COL27A1: variants seen among roughly 807,000 people sequenced by gnomAD.
COL27A1 encodes the protein collagen alpha-1(XXVII) chain.
A neutral mutation model predicts 251.3 loss-of-function variants in COL27A1; 106 were observed. That is an observed-to-expected ratio of 0.42 (90% CI 0.36 to 0.50). The LOEUF (loss-of-function observed/expected upper bound fraction) is 0.50, where lower values mean the gene tolerates loss of function less well. Ranked by LOEUF, COL27A1 falls within the 20% of genes least tolerant of loss-of-function variation. The pLI, the probability that COL27A1 is intolerant of heterozygous loss-of-function variation, is 0.00. For missense variants in COL27A1, 2,325 were observed against 2,522.8 expected, an observed-to-expected ratio of 0.92 and a Z score of 1.68; for synonymous variants, 1,000 against 986.3, an observed-to-expected ratio of 1.01 and a Z score of -0.26.
At chr9:114,190,509 C>A (rs905209440) in intron 5 of COL27A1, among the ~76,000 whole-genome samples, 1 of 152,098 alleles carries the variant, frequency 6.6e-6, no homozygotes, top group African/African-American at 2.4e-5. Flanking sequence ...CTCAAGTGAT[C>A]CTCCTTCCTT....
chr9:114,196,859 A>G (rs565437508), intron 7 of COL27A1, among the ~76,000 whole-genome samples: 30 of 151,298 alleles, frequency 2.0e-4, no homozygotes, highest in African/African-American at 7.0e-4. Context: ...TTCCTTCAAG[A>G]CTCTACTCTA....
At chr9:114,175,186 G>A (rs59005455) in intron 3 of COL27A1, among the ~76,000 whole-genome samples, 2,551 of 152,264 alleles carry the variant, frequency 0.017, 83 homozygotes, top group African/African-American at 0.058. Flanking sequence ...CTCTGTTTGC[G>A]TACGCCTGGA....
chr9:114,269,243 T>C lies in COL27A1; in HGVS notation c.3504T>C (p.Gly1168=). The change falls in exon 35 of 61, where the codon GGT becomes GGC. Residue 1168 remains glycine (G), a splice_region_variant and synonymous_variant. Coordinates refer to ENST00000356083, the MANE Select transcript of COL27A1 (RefSeq NM_032888.4). The part of the protein sequence containing the change: ...PGLPGEAGMK[G]DLGPLGTPGE... ...GACTTTTGTTCGGCTTCTCCTAGGG[T>C]GACCTTGGACCCCTGGGCACTCCTG... 6.2e-7 allele frequency: 1 copy of C among 1,600,752 alleles called. No homozygotes were observed. Among genetic ancestry groups the C allele is most frequent in the Non-Finnish European group, 8.5e-7 (1 of 1,172,900 alleles).
At chr9:114,228,876 CA>C (rs1564495399) in intron 14 of COL27A1, among the ~76,000 whole-genome samples, 1 of 151,922 alleles carries the variant, frequency 6.6e-6, no homozygotes, top group Non-Finnish European at 1.5e-5. Flanking sequence ...GGCTGGAGTT[CA>C]ATGACGCTAT....
At position 114,240,459 on chromosome 9, in the gene COL27A1, C is replaced by T. The variant is rs764037280; in HGVS notation, c.2807C>T (p.Pro936Leu). 1.3e-5 allele frequency: 21 copies of T among 1,612,580 alleles called. No individual in the cohort carries two copies. The African/African-American group carries it at 1.3e-4, about 10-fold the overall frequency. Reference protein sequence around the residue: ...MKGKPGARGLPGPRGQLGPEG... With the variant: ...MKGKPGARGLLGPRGQLGPEG... ...GGTAAGCCTGGAGCCCGAGGCCTGC[C>T]GGGACCCCGTGGGCAGCTGGGGCCC... The change falls in exon 21 of 61, where the codon CCG becomes CTG. Residue 936 changes from proline to leucine, a missense_variant. Physicochemically the swap from Pro to Leu is moderately conservative, Grantham distance 98. Transcript: ENST00000356083.
chr9:114,156,973 C>A (rs2567723), intron 1 of COL27A1, among the ~76,000 whole-genome samples: 1 of 152,056 alleles, frequency 6.6e-6, no homozygotes, highest in Non-Finnish European at 1.5e-5. Flanking sequence ...GGCCCTGCCC[C>A]CTTTGAGCTG....
At chr9:114,268,541 T>C (rs954986884) in intron 34 of COL27A1, among the ~76,000 whole-genome samples, 23 of 152,238 alleles carry the variant, frequency 1.5e-4, no homozygotes, top group Non-Finnish European at 2.9e-4. Flanking sequence ...AGTCACATAA[T>C]TGCCATTGCT....
At position 114,307,680 on chromosome 9, in the gene COL27A1, G is replaced by C. The variant is rs757616242; in HGVS notation, c.5119G>C (p.Val1707Leu). The part of the protein sequence containing the change: ...EQKMVDGTYW[V>L]DPNLGCSSDT... ...CACGCTGCCTGCAGGTACCTACTGGGTGGATCCAAACCTTGGCTGCTCCTC... is the reference window on the plus strand; with the variant it reads ...CACGCTGCCTGCAGGTACCTACTGGCTGGATCCAAACCTTGGCTGCTCCTC... Residue 1707 changes from valine (V) to leucine (L), a missense_variant, in exon 59 of 61, where the codon GTG becomes CTG. This residue lies in a region of COL27A1 where 327 missense variants were observed against 442.8 expected (regional missense o/e 0.74). Coordinates refer to ENST00000356083, the MANE Select transcript of COL27A1 (RefSeq NM_032888.4). 6.2e-7 allele frequency: 1 copy of C among 1,613,706 alleles called. No individual in the cohort carries two copies. The highest frequency in any genetic ancestry group is 1.1e-5 in the South Asian group (1 of 91,070).
Position 114,209,603 on chromosome 9 carries a change from TG to T in COL27A1, c.2269-69del, listed in dbSNP as rs1830208011. ...CGGGATGTGGGATGGCAGTGGTGGG[TG>T]GGCTGCGGCAGGTTGGGCCAGCCAC... is the stretch of plus-strand genomic sequence containing the variant. On this transcript the variant is annotated intron_variant, in intron 10 of 60. Transcript: ENST00000356083. The T allele has an allele frequency of 3.6e-6, 5 of 1,382,466 alleles. No individual in the cohort carries two copies. The South Asian group carries it at 4.6e-5, about 13-fold the overall frequency. 85.6% of individuals were successfully genotyped at this position (1,382,466 alleles called of 1,614,324 possible). A position where few individuals can be genotyped will look rare whatever the true frequency, so the allele number is the denominator to read the frequency against.
Position 114,169,385 on chromosome 9 carries a change from G to A in COL27A1, c.1830G>A (p.Ser610=), listed in dbSNP as rs200537997. 1.7e-5 allele frequency: 28 copies of A among 1,610,460 alleles called. No homozygotes were observed. The highest frequency in any genetic ancestry group is 1.1e-4 in the East Asian group (5 of 44,854). Residue 610 remains serine (S), a synonymous_variant, in exon 3 of 61, where the codon TCG becomes TCA. Coordinates refer to ENST00000356083, the MANE Select transcript of COL27A1 (RefSeq NM_032888.4). ...SSPRPTSSGY[S]IFHLAGSTPF... is the part of the protein sequence containing the mutation. The stretch of plus-strand genomic sequence containing the variant: ...CCCGGCCCACGAGCAGTGGCTATTC[G>A]ATCTTCCACCTGGCAGGATCTACGC...
intron 13 of COL27A1, among the ~76,000 whole-genome samples, chr9:114,221,486 T>G (rs1177949723): frequency 6.6e-6 from 1 of 152,230 alleles, no homozygotes; most frequent in Non-Finnish European, 1.5e-5. Flanking sequence ...GGCTGTTGCT[T>G]ACTTCTCATT....
chr9:114,158,183 T>C (rs995427431), intron 1 of COL27A1, among the ~76,000 whole-genome samples: 1 of 152,154 alleles, frequency 6.6e-6, no homozygotes, highest in Non-Finnish European at 1.5e-5. Flanking sequence ...CCTTTTCAGC[T>C]TTTACCCCAT....
intron 7 of COL27A1, 141 bp downstream of exon 7, chr9:114,196,153 T>A: frequency 1.3e-6 from 1 of 750,932 alleles, no homozygotes; most frequent in Non-Finnish European, 2.3e-6. Context: ...GGGTGAGAGG[T>A]GAGAGAGCTT....
chr9:114,286,510 C>T (rs1156280992), intron 41 of COL27A1, among the ~76,000 whole-genome samples: 1 of 152,142 alleles, frequency 6.6e-6, no homozygotes, highest in Non-Finnish European at 1.5e-5. Context: ...ACCGCCCATC[C>T]CTGCTCACCG....
intron 7 of COL27A1, among the ~76,000 whole-genome samples, chr9:114,198,203 C>T (rs1249754360): frequency 2.0e-5 from 3 of 152,186 alleles, no homozygotes; most frequent in African/African-American, 7.2e-5. Flanking sequence ...ATTTATTTAA[C>T]AAGAATTATT....
In COL27A1 at chr9:114,309,375, G is replaced by A; in HGVS notation, c.5333G>A (p.Gly1778Glu). Residue 1778 changes from glycine to glutamate, a missense_variant, in exon 60 of 61, where the codon GGG becomes GAG. By Grantham distance (98) the Gly-to-Glu change is moderately conservative. Transcript: ENST00000356083. ...ATGACCGTGTGGCAGGAGGGCACTGGGCAGACCCCAGCCAAGCAGGCCGTA... is the reference window on the plus strand; with the variant it reads ...ATGACCGTGTGGCAGGAGGGCACTGAGCAGACCCCAGCCAAGCAGGCCGTA... ...LNMTVWQEGT[G>E]QTPAKQAVRF... 1 of 1,614,074 alleles carries A rather than the reference G, an allele frequency of 6.2e-7. No homozygotes were observed. Among genetic ancestry groups the A allele is most frequent in the South Asian group, 1.1e-5 (1 of 91,072 alleles).
At position 114,242,191 on chromosome 9, in the gene COL27A1, A is replaced by C. The variant is rs1220736785; in HGVS notation, c.2840A>C (p.Asp947Ala). Reference protein sequence around the residue: ...GPRGQLGPEGDEGPMGPPGAP... With the variant: ...GPRGQLGPEGAEGPMGPPGAP... ...TCTCGTGTCTCCCAATTCTAGGGAG[A>C]TGAGGGACCCATGGGGCCGCCAGGG... Residue 947 changes from aspartate (D) to alanine (A), a missense_variant, in exon 22 of 61, where the codon GAT becomes GCT. Physicochemically the swap from Asp to Ala is moderately radical, Grantham distance 126. This residue lies in a region of COL27A1 where 662 missense variants were observed against 795.3 expected (regional missense o/e 0.83). Coordinates refer to ENST00000356083, the MANE Select transcript of COL27A1 (RefSeq NM_032888.4). 1 of 1,605,734 alleles carries C rather than the reference A, an allele frequency of 6.2e-7. No homozygotes were observed. Among genetic ancestry groups the C allele is most frequent in the Non-Finnish European group, 8.5e-7 (1 of 1,177,152 alleles).
At position 114,311,542 on chromosome 9, in the gene COL27A1, A is replaced by G. The variant is rs1013140398; in HGVS notation, c.*847A>G. On this transcript the variant is annotated 3_prime_UTR_variant, in exon 61 of 61. Coordinates refer to ENST00000356083, the MANE Select transcript of COL27A1 (RefSeq NM_032888.4). ...CTGCTAAGGAGGAAAAAAGAAAAGA[A>G]AAAAGGAAAAAAAAAAAAAAAAAGC... is the stretch of plus-strand genomic sequence containing the variant. 1 of 137,820 alleles carries G rather than the reference A, an allele frequency of 7.3e-6. No homozygotes were observed. The highest frequency in any genetic ancestry group is 2.8e-4 in the East Asian group (1 of 3,630). 8.5% of individuals were successfully genotyped at this position (137,820 alleles called of 1,614,324 possible).
intron 16 of COL27A1, among the ~76,000 whole-genome samples, chr9:114,233,924 C>T (rs1182488556): frequency 6.6e-6 from 1 of 152,188 alleles, no homozygotes; most frequent in Non-Finnish European, 1.5e-5. Context: ...GCCACGCACA[C>T]ATCCGTGTCC....
Sources: allele counts gnomAD v4.1 joint callset (sites outside exome capture counted in the v4.1 genomes callset), GRCh38; gene constraint gnomAD v4.1.1; regional missense constraint gnomAD v4.1.1; transcripts MANE v1.5; gene names NCBI Gene and HGNC (gene_info 2026-07-23, HGNC 2026-07-21).